The following TRAK2 variants were observed in gnomAD, a reference collection of about 807,000 sequenced individuals.
TRAK2 encodes trafficking kinesin-binding protein 2.
Under a neutral mutation model 104.6 loss-of-function variants are expected in TRAK2, and 81 were observed. That is an observed-to-expected ratio of 0.77 (90% CI 0.65 to 0.93). TRAK2 has a LOEUF of 0.93. Among genes scored for constraint, TRAK2 ranks in the 40% least tolerant of loss-of-function variants. The probability of loss-of-function intolerance (pLI) is 0.00; values close to 1 mark genes in which losing one functional copy is unlikely to be tolerated. For missense variants in TRAK2, 1,002 were observed against 1,089.0 expected (o/e 0.92, Z 1.12); for synonymous variants, 406 against 394.4 (o/e 1.03, Z -0.35).
At chr2:201,384,858 T>C (rs1327213500) in intron 14 of TRAK2, among the ~76,000 whole-genome samples, 1 of 152,272 alleles carries the variant, frequency 6.6e-6, no homozygotes, top group East Asian at 1.9e-4. Flanking sequence ...TGATGAAAAA[T>C]GGGAAGGATG....
intron 1 of TRAK2, among the ~76,000 whole-genome samples, chr2:201,441,627 T>C (rs1951924137): frequency 6.6e-6 from 1 of 151,904 alleles, no homozygotes. Context: ...AGCATTTTAG[T>C]TGGTTTCTAG....
At chr2:201,405,874 C>G (rs1330150576) in intron 3 of TRAK2, among the ~76,000 whole-genome samples, 1 of 152,092 alleles carries the variant, frequency 6.6e-6, no homozygotes, top group Non-Finnish European at 1.5e-5. Flanking sequence ...CCCAGCTACT[C>G]AGGAGGCTGA....
intron 15 of TRAK2, 39 bp downstream of exon 15, chr2:201,384,071 AG>A (rs1951366698): frequency 7.9e-7 from 1 of 1,264,508 alleles, no homozygotes; most frequent in East Asian, 2.4e-5. Context: ...AATATAGCTG[AG>A]GAAAGAAGTG....
Position 201,420,518 on chromosome 2 carries a change from T to C in TRAK2, c.-11A>G, listed in dbSNP as rs1381976770. 3 of 1,610,496 alleles carry C rather than the reference T, an allele frequency of 1.9e-6. No homozygotes were observed. Among genetic ancestry groups the C allele is most frequent in the African/African-American group, 2.7e-5 (2 of 74,852 alleles). On this transcript the variant is annotated 5_prime_UTR_variant, in exon 2 of 16. Transcript: ENST00000332624. ...CTGGGATTGACTCATGCAGGATCCT[T>C]TCTTGCTTTGGTTGAGAAGGACAGC...
At chr2:201,429,507 C>A (rs1356619952) in intron 1 of TRAK2, among the ~76,000 whole-genome samples, 1 of 152,214 alleles carries the variant, frequency 6.6e-6, no homozygotes, top group African/African-American at 2.4e-5. Flanking sequence ...ACCAATCACA[C>A]GTAGATTTGG....
At chr2:201,389,673 C>A (rs984557819) in intron 11 of TRAK2, 128 bp downstream of exon 11, 8 of 1,083,988 alleles carry the variant, frequency 7.4e-6, no homozygotes, top group Non-Finnish European at 1.1e-5. Flanking sequence ...AAAAAGGACA[C>A]TGTGAGGAAA....
intron 1 of TRAK2, among the ~76,000 whole-genome samples, chr2:201,422,932 ATG>A (rs1462076543): frequency 1.3e-5 from 2 of 152,124 alleles, no homozygotes; most frequent in Non-Finnish European, 2.9e-5. Flanking sequence ...TACTTTGTAA[ATG>A]ATAAAACATT....
At chr2:201,412,536 T>C (rs1951657084) in intron 2 of TRAK2, 1 of 1,212,100 alleles carries the variant, frequency 8.3e-7, no homozygotes, top group Non-Finnish European at 1.2e-6. Context: ...TTTTATTAAA[T>C]ACAGCATACA....
At position 201,411,729 on chromosome 2, in the gene TRAK2, A is replaced by G. The variant is rs561946231; in HGVS notation, c.92-4132T>C. ...AGACTCTTTGGATGGAATTTGTTGT[A>G]AGAAGGGTAGGATACCATCAAGTAC... On this transcript the variant is annotated intron_variant, in intron 2 of 15. Transcript: ENST00000332624. The G allele has an allele frequency of 8.0e-4, 622 of 781,176 alleles. 1 individual carries two copies. The highest frequency in any genetic ancestry group is 1.3e-3 in the Non-Finnish European group (569 of 422,410). The allele number at this position is 781,176 out of a possible 1,614,324, so 48.4% of individuals were successfully genotyped here. A position where few individuals can be genotyped will look rare whatever the true frequency, so the allele number is the denominator to read the frequency against.
chr2:201,392,426 CAGA>C (rs775709065), intron 10 of TRAK2, among the ~76,000 whole-genome samples: 4 of 152,004 alleles, frequency 2.6e-5, no homozygotes, highest in Admixed American at 1.3e-4. Context: ...AATATAAACT[CAGA>C]AGTTTTTATT....
rs913936773 is a variant in TRAK2 at position 201,401,038 on chromosome 2, C to A, written c.343G>T (p.Val115Phe). 2 of 1,611,324 alleles carry A rather than the reference C, an allele frequency of 1.2e-6. No homozygotes were observed. Among genetic ancestry groups the A allele is most frequent in the Non-Finnish European group, 1.7e-6 (2 of 1,178,216 alleles). The change falls in exon 4 of 16, where the codon GTT (valine) becomes TTT (phenylalanine). Residue 115 changes from valine (V) to phenylalanine (F), a missense_variant. Coordinates refer to ENST00000332624, the MANE Select transcript of TRAK2 (RefSeq NM_015049.3). ...MTKTYNDIDM[V>F]THLLAERDRD... ...CCTACCTCTGCCAGGAGATGTGTAA[C>A]CATGTCGATGTCATTGTAAGTTTTG...
chr2:201,423,709 A>G (rs1951762592), intron 1 of TRAK2: 2 of 152,222 alleles, frequency 1.3e-5, no homozygotes, highest in South Asian at 4.1e-4. Flanking sequence ...AGGTGGTTAA[A>G]ATGGCAAATT....
At chr2:201,397,773 C>T in intron 6 of TRAK2, 193 bp from the exon 7 acceptor site, 1 of 565,012 alleles carries the variant, frequency 1.8e-6, no homozygotes, top group South Asian at 2.4e-5. Flanking sequence ...GTAGGACTTC[C>T]TTGATGCCCA....
intron 2 of TRAK2, chr2:201,410,845 G>A: frequency 6.2e-7 from 1 of 1,601,924 alleles, no homozygotes; most frequent in Non-Finnish European, 8.5e-7. Flanking sequence ...TCTTTGTTGG[G>A]TTGGCTTCGC....
intron 2 of TRAK2, chr2:201,411,858 A>G: frequency 1.1e-6 from 1 of 906,184 alleles, no homozygotes; most frequent in Non-Finnish European, 1.9e-6. Flanking sequence ...AATTCTTGGT[A>G]TCAAAGTATG....
chr2:201,398,320 T>C lies in TRAK2; in HGVS notation c.515A>G (p.Asp172Gly). The change falls in exon 6 of 16, where the codon GAT (aspartate) becomes GGT (glycine). Residue 172 changes from aspartate (D) to glycine (G), a missense_variant. Asp to Gly is a moderately conservative substitution (Grantham distance 94, BLOSUM62 -1). Transcript: ENST00000332624. The part of the protein sequence containing the change: ...NQLQHELCKK[D>G]ELLRIVSIAS... ...AATGGAGACGATTCGAAGTAACTCATCTTTCTTGCATAGCTCATGCTGCAG... is the reference window on the plus strand; with the variant it reads ...AATGGAGACGATTCGAAGTAACTCACCTTTCTTGCATAGCTCATGCTGCAG... 6.2e-7 allele frequency: 1 copy of C among 1,613,626 alleles called. No individual in the cohort carries two copies. The highest frequency in any genetic ancestry group is 8.5e-7 in the Non-Finnish European group (1 of 1,179,640).
At chr2:201,442,110 G>A (rs1951929970) in intron 1 of TRAK2, among the ~76,000 whole-genome samples, 1 of 151,762 alleles carries the variant, frequency 6.6e-6, no homozygotes, top group Non-Finnish European at 1.5e-5. Flanking sequence ...CAGAGAGCAA[G>A]CTGGGCATGG....
chr2:201,401,135 A>G (rs1215563828), intron 3 of TRAK2, 41 bp from the exon 4 acceptor site: 11 of 1,378,140 alleles, frequency 8.0e-6, no homozygotes, highest in Non-Finnish European at 9.9e-6. Flanking sequence ...CTTTAGCAAT[A>G]ATGAAAAAAT....
chr2:201,392,582 TTAAG>T (rs1391891386), intron 10 of TRAK2, among the ~76,000 whole-genome samples: 1 of 152,146 alleles, frequency 6.6e-6, no homozygotes, highest in Non-Finnish European at 1.5e-5. Context: ...AAAGCACCAC[TTAAG>T]TAAGTGGCAG....
Sources: gnomAD v4.1 joint callset for allele counts (sites outside exome capture counted in the v4.1 genomes callset) on GRCh38, gnomAD v4.1.1 for gene constraint, MANE v1.5 for transcripts, NCBI Gene and HGNC (gene_info 2026-07-23, HGNC 2026-07-21) for gene names.